The following NFE2L2 variants were observed in gnomAD, a reference collection of about 807,000 sequenced individuals.
The protein encoded by NFE2L2 is nuclear factor erythroid 2-related factor 2.
A neutral mutation model predicts 49.6 loss-of-function variants in NFE2L2; 20 were observed. The ratio of observed to expected loss-of-function variants is 0.40; its 90% CI spans 0.28 to 0.59. The LOEUF is 0.59. Among genes scored for constraint, NFE2L2 ranks in the 20% least tolerant of loss-of-function variants. NFE2L2 has a pLI of 0.40. For missense variants in NFE2L2, 578 were observed against 714.2 expected, an observed-to-expected ratio of 0.81 and a Z score of 2.17; for synonymous variants, 244 against 256.5, an observed-to-expected ratio of 0.95 and a Z score of 0.47.
intron 1 of NFE2L2, among the ~76,000 whole-genome samples, chr2:177,246,737 T>A (rs990241166): frequency 6.6e-6 from 1 of 151,596 alleles, no homozygotes; most frequent in Admixed American, 6.6e-5. Flanking sequence ...ATAGCTGAGA[T>A]TACAGGCATG....
In NFE2L2 at chr2:177,231,657, G is replaced by T. The variant is rs755135182; in HGVS notation, c.946C>A (p.Pro316Thr). Residue 316 changes from proline (P) to threonine (T), a missense_variant, in exon 5 of 5, where the codon CCC becomes ACC. By Grantham distance (38) the Pro-to-Thr change is conservative. Coordinates refer to ENST00000397062, the MANE Select transcript of NFE2L2 (RefSeq NM_006164.5). ...AGTGATAGATCAGAAACATCAATGGGCCCATTTAGAAGTTCAGAGAGTGAA... is the reference window on the plus strand; with the variant it reads ...AGTGATAGATCAGAAACATCAATGGTCCCATTTAGAAGTTCAGAGAGTGAA... ...SHSLSELLNG[P>T]IDVSDLSLCK... is the part of the protein sequence containing the mutation. 5.0e-6 allele frequency: 8 copies of T among 1,614,142 alleles called. No individual in the cohort carries two copies. Among genetic ancestry groups the T allele is most frequent in the Non-Finnish European group, 6.8e-6 (8 of 1,180,020 alleles).
chr2:177,258,132 G>T (rs1409289122), intron 1 of NFE2L2, among the ~76,000 whole-genome samples: 1 of 152,166 alleles, frequency 6.6e-6, no homozygotes, highest in Non-Finnish European at 1.5e-5. Flanking sequence ...ACAACAGTTT[G>T]AGAACCACTG....
At position 177,264,515 on chromosome 2, in the gene NFE2L2, G is replaced by C; in HGVS notation, c.45+17C>G. The C allele has an allele frequency of 1.3e-6, 2 of 1,524,294 alleles. No individual in the cohort carries two copies. The highest frequency in any genetic ancestry group is 1.8e-6 in the Non-Finnish European group (2 of 1,135,014). 94.4% of individuals were successfully genotyped at this position (1,524,294 alleles called of 1,614,324 possible). A position where few individuals can be genotyped will look rare whatever the true frequency, so the allele number is the denominator to read the frequency against. ...CGTCCCGGCACCACCGCAGGGCCCA[G>C]AGGGCCGAGGCAGCACCTGCTGGGA... On this transcript the variant is annotated intron_variant, in intron 1 of 4. Coordinates refer to ENST00000397062, the MANE Select transcript of NFE2L2 (RefSeq NM_006164.5).
intron 1 of NFE2L2, among the ~76,000 whole-genome samples, chr2:177,254,880 T>G (rs1470055784): frequency 1.3e-5 from 2 of 152,254 alleles, no homozygotes; most frequent in Non-Finnish European, 1.5e-5. Context: ...TATTCATTAC[T>G]TTTCCCTTTT....
rs1689498479 is a variant in NFE2L2, at chr2:177,230,448, A to G, written c.*337T>C. On this transcript the variant is annotated 3_prime_UTR_variant, in exon 5 of 5. Transcript: ENST00000397062. The stretch of plus-strand genomic sequence containing the variant: ...AAAGTACATAGTGGTTAGTTTTGCA[A>G]TAATTTCTTTTTAGCCAGATGTCAT... 1 of 249,940 alleles carries G rather than the reference A, an allele frequency of 4.0e-6. No homozygotes were observed. The highest frequency in any genetic ancestry group is 5.5e-5 in the Admixed American group (1 of 18,342). The allele number at this position is 249,940 out of a possible 1,614,324, so 15.5% of individuals were successfully genotyped here.
intron 3 of NFE2L2, 63 bp from the exon 4 acceptor site, chr2:177,232,646 G>C (rs1323591407): frequency 6.6e-7 from 1 of 1,524,414 alleles, no homozygotes; most frequent in Non-Finnish European, 9.0e-7. Flanking sequence ...AAGCTCTAAG[G>C]CACCACTACA....
chr2:177,248,558 C>T (rs969956814), intron 1 of NFE2L2, among the ~76,000 whole-genome samples: 58 of 152,194 alleles, frequency 3.8e-4, no homozygotes, highest in Admixed American at 3.7e-3. Context: ...TACAGGCATG[C>T]GCCACCATGC....
intron 1 of NFE2L2, chr2:177,264,322 T>TCCCACC (rs1192313383): frequency 2.1e-4 from 106 of 503,392 alleles, no homozygotes; most frequent in Middle Eastern, 5.1e-4. Context: ...GCCCTCGGGC[T>TCCCACC]CGTGGTCGGT....
At chr2:177,262,426 G>A (rs534459319) in intron 1 of NFE2L2, among the ~76,000 whole-genome samples, 13 of 152,268 alleles carry the variant, frequency 8.5e-5, no homozygotes, top group Non-Finnish European at 1.9e-4. Context: ...CTGCACAGAA[G>A]GTGAAAAACT....
chr2:177,243,329 G>T (rs1289128769), intron 1 of NFE2L2, among the ~76,000 whole-genome samples: 1 of 152,118 alleles, frequency 6.6e-6, no homozygotes, highest in African/African-American at 2.4e-5. Context: ...TGCCCATGCT[G>T]GTGTACCCTC....
Position 177,233,514 on chromosome 2 carries a change from C to G in NFE2L2, c.313-175G>C, listed in dbSNP as rs534993460. The G allele has an allele frequency of 4.1e-5, 24 of 587,612 alleles. No homozygotes were observed. The African/African-American group carries it at 4.7e-4, about 11-fold the overall frequency. The allele number at this position is 587,612 out of a possible 1,614,324, so 36.4% of individuals were successfully genotyped here. On this transcript the variant is annotated intron_variant, in intron 2 of 4. Transcript: ENST00000397062. ...TGAACTAGACCACATGGGTTCAGATCTTAGCTCCTCCAATTTTCTGAGTGA... is the reference window on the plus strand; with the variant it reads ...TGAACTAGACCACATGGGTTCAGATGTTAGCTCCTCCAATTTTCTGAGTGA...
intron 1 of NFE2L2, among the ~76,000 whole-genome samples, chr2:177,240,950 T>A (rs1689919639): frequency 6.6e-6 from 1 of 152,168 alleles, no homozygotes; most frequent in South Asian, 2.1e-4. Context: ...TTTTAGACAC[T>A]CAAATGTCTA....
At chr2:177,251,768 G>A (rs941242318) in intron 1 of NFE2L2, among the ~76,000 whole-genome samples, 3 of 152,114 alleles carry the variant, frequency 2.0e-5, no homozygotes, top group African/African-American at 7.2e-5. Context: ...CACTTTGGGA[G>A]GCCGAGGTGG....
intron 1 of NFE2L2, among the ~76,000 whole-genome samples, chr2:177,257,865 G>A (rs527370442): frequency 5.9e-5 from 9 of 152,350 alleles, no homozygotes; most frequent in African/African-American, 2.2e-4. Flanking sequence ...GATGATCTGA[G>A]GTGGAACAGT....
rs185170228 is a variant in NFE2L2, at chr2:177,263,300, G to A, written c.45+1232C>T. The A allele has an allele frequency of 1.9e-4, 174 of 925,852 alleles. No individual in the cohort carries two copies. In the African/African-American group the frequency reaches 3.0e-3, roughly 16 times the overall value. 57.4% of individuals were successfully genotyped at this position (925,852 alleles called of 1,614,324 possible). A position where few individuals can be genotyped will look rare whatever the true frequency, so the allele number is the denominator to read the frequency against. On this transcript the variant is annotated intron_variant, in intron 1 of 4. Transcript: ENST00000397062. ...TTGAGGCAAATTCTCAACTGAAAAGGAAACATATATAAAGTACTCAGGGGA... is the reference window on the plus strand; with the variant it reads ...TTGAGGCAAATTCTCAACTGAAAAGAAAACATATATAAAGTACTCAGGGGA...
At chr2:177,232,355 A>G in intron 4 of NFE2L2, 37 bp downstream of exon 4, 1 of 1,537,890 alleles carries the variant, frequency 6.5e-7, no homozygotes, top group South Asian at 1.2e-5. Flanking sequence ...CACTGAATAT[A>G]AAAAAAATCT....
intron 1 of NFE2L2, among the ~76,000 whole-genome samples, chr2:177,254,626 G>A (rs1047985751): frequency 2.0e-5 from 3 of 152,124 alleles, no homozygotes; most frequent in South Asian, 2.1e-4. Context: ...CGTCAACAGC[G>A]CCCCCACTGG....
rs1474238506 is a variant in NFE2L2, at chr2:177,264,694, G to A, written c.-118C>T. On this transcript the variant is annotated 5_prime_UTR_variant, in exon 1 of 5. Coordinates refer to ENST00000397062, the MANE Select transcript of NFE2L2 (RefSeq NM_006164.5). ...GGCGGCGGCGGTGGCGGCTGCGTCG[G>A]CGGCTCCTCCGGGCTCCCCGGCACT... is the stretch of plus-strand genomic sequence containing the variant. The A allele has an allele frequency of 4.2e-6, 4 of 962,456 alleles. No individual in the cohort carries two copies. The highest frequency in any genetic ancestry group is 5.5e-6 in the Non-Finnish European group (4 of 722,600). The allele number at this position is 962,456 out of a possible 1,614,324, so 59.6% of individuals were successfully genotyped here.
chr2:177,240,209 A>T (rs897892684), intron 1 of NFE2L2, among the ~76,000 whole-genome samples: 7 of 152,226 alleles, frequency 4.6e-5, no homozygotes, highest in Admixed American at 3.3e-4. Context: ...GAAGTGCCTA[A>T]GGAAGAACTA....
Sources: allele counts gnomAD v4.1 joint callset (sites outside exome capture counted in the v4.1 genomes callset), GRCh38; gene constraint gnomAD v4.1.1; transcripts MANE v1.5; gene names NCBI Gene and HGNC (gene_info 2026-07-23, HGNC 2026-07-21).